ELP1: variants seen among roughly 807,000 people sequenced by gnomAD.
The protein encoded by ELP1 is elongator acetyltransferase complex subunit 1, also known as elongator complex protein 1.
A neutral mutation model predicts 183.2 loss-of-function variants in ELP1; 131 were observed. That is an observed-to-expected ratio of 0.72 (90% CI 0.62 to 0.83). The LOEUF (loss-of-function observed/expected upper bound fraction) is 0.83, where lower values mean the gene tolerates loss of function less well. ELP1 is among the 40% of genes least tolerant of loss of function. ELP1 has a pLI of 0.00. For missense variants in ELP1, 1,550 were observed against 1,594.9 expected, an observed-to-expected ratio of 0.97 and a Z score of 0.48; for synonymous variants, 555 against 569.0, an observed-to-expected ratio of 0.98 and a Z score of 0.35.
chr9:108,887,862 A>C (rs190071366), intron 29 of ELP1, among the ~76,000 whole-genome samples: 1 of 152,368 alleles, frequency 6.6e-6, no homozygotes. Context: ...AGGGGAATGC[A>C]AAATGATACG....
At chr9:108,876,919 C>T (rs1379767208) in intron 35 of ELP1, among the ~76,000 whole-genome samples, 2 of 151,954 alleles carry the variant, frequency 1.3e-5, no homozygotes, top group Admixed American at 1.3e-4. Flanking sequence ...TTAGTAGAGA[C>T]GGGGCTTCTC....
chr9:108,918,670 G>A, intron 8 of ELP1, 141 bp downstream of exon 8: 2 of 668,436 alleles, frequency 3.0e-6, no homozygotes, highest in Non-Finnish European at 2.7e-6. Flanking sequence ...AAGAAACAAA[G>A]ATAGATACAG....
At chr9:108,901,080 A>C (rs968994175) in intron 18 of ELP1, among the ~76,000 whole-genome samples, 1 of 152,180 alleles carries the variant, frequency 6.6e-6, no homozygotes, top group Non-Finnish European at 1.5e-5. Context: ...GGGTGGGCAC[A>C]GTGGGAAAAG....
chr9:108,872,465 A>G (rs897247665), intron 36 of ELP1, among the ~76,000 whole-genome samples: 1 of 152,232 alleles, frequency 6.6e-6, no homozygotes, highest in Non-Finnish European at 1.5e-5. Context: ...TCAACAAGGT[A>G]TTTCATAAAT....
chr9:108,930,648 A>T (rs981369465), intron 2 of ELP1, among the ~76,000 whole-genome samples: 3 of 143,004 alleles, frequency 2.1e-5, no homozygotes, highest in African/African-American at 7.8e-5. Context: ...CCACGATCAC[A>T]CCACTGCACT....
Position 108,868,771 on chromosome 9 carries a change from T to C in ELP1, c.*344A>G, listed in dbSNP as rs555355380. 8.4e-5 allele frequency: 47 copies of C among 562,274 alleles called. No individual in the cohort carries two copies. The highest frequency in any genetic ancestry group is 1.3e-4 in the Non-Finnish European group (43 of 318,834). 34.8% of individuals were successfully genotyped at this position (562,274 alleles called of 1,614,324 possible). ...AACAAAATAAGACAATTTAGAAACA[T>C]TGTTTTACTTGTCTTCACACTTTGG... On this transcript the variant is annotated 3_prime_UTR_variant, in exon 37 of 37. Coordinates refer to ENST00000374647, the MANE Select transcript of ELP1 (RefSeq NM_003640.5).
At chr9:108,884,918 AAAAAAAT>A (rs1038013224) in intron 29 of ELP1, among the ~76,000 whole-genome samples, 14 of 151,972 alleles carry the variant, frequency 9.2e-5, no homozygotes, top group African/African-American at 3.4e-4. Flanking sequence ...CATCTCTACA[AAAAAAAT>A]TAAAAATTAG....
intron 3 of ELP1, 62 bp from the exon 4 acceptor site, chr9:108,927,515 C>G (rs1206251415): frequency 1.6e-6 from 2 of 1,229,560 alleles, no homozygotes; most frequent in Admixed American, 1.7e-5. Flanking sequence ...AAACTGACTG[C>G]AACTTCAATC....
chr9:108,914,395 C>A, intron 10 of ELP1, among the ~76,000 whole-genome samples: 1 of 67,656 alleles, frequency 1.5e-5, no homozygotes, highest in Middle Eastern at 0.013. Context: ...GAGACTCCGT[C>A]TCCAAAAAAA....
At position 108,917,684 on chromosome 9, in the gene ELP1, CAG is replaced by C. The variant is rs1564101166; in HGVS notation, c.741-16_741-15del. On this transcript the variant is annotated splice_polypyrimidine_tract_variant and intron_variant, in intron 8 of 36. Transcript: ENST00000374647. Reference sequence around the variant, plus strand: ...CTGCCTGAGGGTCTTAAAGCAAACTCAGAGTGTTACAATATCGAAAGCTCACC... The same window carrying C: ...CTGCCTGAGGGTCTTAAAGCAAACTCAGTGTTACAATATCGAAAGCTCACC... 2 of 1,613,664 alleles carry C rather than the reference CAG, an allele frequency of 1.2e-6. No homozygotes were observed. Among genetic ancestry groups the C allele is most frequent in the East Asian group, 2.2e-5 (1 of 44,880 alleles).
intron 22 of ELP1, 92 bp downstream of exon 22, chr9:108,898,410 A>G (rs1828635704): frequency 1.2e-6 from 1 of 858,314 alleles, no homozygotes; most frequent in African/African-American, 1.7e-5. Flanking sequence ...ACAGTAAGGA[A>G]TTTTTCTTCT....
At chr9:108,869,639 C>T (rs1158224631) in intron 36 of ELP1, among the ~76,000 whole-genome samples, 3 of 152,014 alleles carry the variant, frequency 2.0e-5, no homozygotes, top group Non-Finnish European at 2.9e-5. Context: ...GATGAAACTT[C>T]GACAAACATG....
chr9:108,929,140 C>A (rs1481544826), intron 3 of ELP1, among the ~76,000 whole-genome samples: 1 of 152,192 alleles, frequency 6.6e-6, no homozygotes, highest in Non-Finnish European at 1.5e-5. Context: ...GTGACATAAT[C>A]AATGTTAAGG....
At chr9:108,884,022 A>G (rs1417026354) in intron 29 of ELP1, among the ~76,000 whole-genome samples, 2 of 152,114 alleles carry the variant, frequency 1.3e-5, no homozygotes, top group Non-Finnish European at 2.9e-5. Context: ...AGAACCAATA[A>G]TGCTATCAAC....
At chr9:108,907,060 T>C (rs1829048362) in intron 13 of ELP1, among the ~76,000 whole-genome samples, 1 of 152,190 alleles carries the variant, frequency 6.6e-6, no homozygotes, top group Non-Finnish European at 1.5e-5. Flanking sequence ...AAGAAGTTGG[T>C]CACTAGCCTG....
chr9:108,931,186 G>C lies in ELP1; in HGVS notation c.-40C>G. The C allele has an allele frequency of 6.3e-7, 1 of 1,587,254 alleles. No homozygotes were observed. The highest frequency in any genetic ancestry group is 8.7e-7 in the Non-Finnish European group (1 of 1,155,668). ...CACGAGACAAGTACAACTATCCCTT[G>C]ATGAATCATTAATCTCTAAGAGAAA... On this transcript the variant is annotated 5_prime_UTR_variant, in exon 2 of 37. In the 5' UTR this introduces an upstream ATG that the reference lacks. Coordinates refer to ENST00000374647, the MANE Select transcript of ELP1 (RefSeq NM_003640.5).
At chr9:108,910,302 T>G (rs1157126580) in intron 12 of ELP1, among the ~76,000 whole-genome samples, 1 of 152,220 alleles carries the variant, frequency 6.6e-6, no homozygotes, top group Non-Finnish European at 1.5e-5. Flanking sequence ...AAAGCTGATA[T>G]GAAAGTAAGG....
rs755630402 is a variant in ELP1 at position 108,911,024 on chromosome 9, G to A, written c.1346C>T (p.Ser449Phe). Residue 449 changes from serine (S) to phenylalanine (F), a missense_variant, in exon 12 of 37, where the codon TCT (serine) becomes TTT (phenylalanine). Transcript: ENST00000374647. ...TTATAACATACCACATTTATAAACA[G>A]AAATCTGGTTACTGGCATCTAGAAC... ...LAVLDASNQI[S>F]VYKCGDCPSA... is the part of the protein sequence containing the mutation. 58 of 1,613,860 alleles carry A rather than the reference G, an allele frequency of 3.6e-5. No homozygotes were observed. The highest frequency in any genetic ancestry group is 4.7e-5 in the Non-Finnish European group (55 of 1,179,900).
At chr9:108,884,057 A>C (rs1828030631) in intron 29 of ELP1, among the ~76,000 whole-genome samples, 1 of 152,214 alleles carries the variant, frequency 6.6e-6, no homozygotes, top group South Asian at 2.1e-4. Flanking sequence ...CAAAATAAAG[A>C]CTACATTCAG....
Sources: gnomAD v4.1 joint callset for allele counts (sites outside exome capture counted in the v4.1 genomes callset) on GRCh38, gnomAD v4.1.1 for gene constraint, MANE v1.5 for transcripts, NCBI Gene and HGNC (gene_info 2026-07-23, HGNC 2026-07-21) for gene names.